VDAC1: variants seen among roughly 807,000 people sequenced by gnomAD.
VDAC1 encodes voltage dependent anion channel 1.
In VDAC1, 10 loss-of-function variants were observed where a neutral mutation model predicts 34.7. The ratio of observed to expected loss-of-function variants is 0.29; its 90% CI spans 0.18 to 0.49. The LOEUF (loss-of-function observed/expected upper bound fraction) is 0.49. Ranked by LOEUF, VDAC1 falls within the 20% of genes least tolerant of loss-of-function variation. The pLI is 0.99. For synonymous variants in VDAC1, 130 were observed against 136.0 expected (o/e 0.96, Z 0.30); for missense variants, 230 against 347.9 (o/e 0.66, Z 2.69).
the VDAC1 span, among the ~76,000 whole-genome samples, chr5:134,043,494 A>G: frequency 6.6e-6 from 1 of 152,116 alleles, no homozygotes; most frequent in Non-Finnish European, 1.5e-5. Context: ...CTCTCTGGTT[A>G]TTCTGCCCTA....
At chr5:134,002,271 C>T (rs1406898279) in intron 1 of VDAC1, among the ~76,000 whole-genome samples, 1 of 152,198 alleles carries the variant, frequency 6.6e-6, no homozygotes, top group Non-Finnish European at 1.5e-5. Flanking sequence ...CCTGTATGGT[C>T]CCCCACTTTC....
At chr5:134,036,657 T>A in the VDAC1 span, among the ~76,000 whole-genome samples, 10 of 139,274 alleles carry the variant, frequency 7.2e-5, no homozygotes, top group African/African-American at 2.6e-4. Flanking sequence ...CACTGTCTTT[T>A]TTAAAAAAAA....
chr5:134,095,042 A>G, the VDAC1 span, among the ~76,000 whole-genome samples: 1,801 of 151,156 alleles, frequency 0.012, 13 homozygotes, highest in Non-Finnish European at 0.019. Context: ...TCCCAAGGGG[A>G]ACTCCACAAA....
chr5:134,076,411 A>G, the VDAC1 span, among the ~76,000 whole-genome samples: 1 of 152,116 alleles, frequency 6.6e-6, no homozygotes, highest in African/African-American at 2.4e-5. Flanking sequence ...CACCTCAGAC[A>G]TTTCCTTTGT....
At chr5:133,980,624 TG>T in intron 6 of VDAC1, 104 bp downstream of exon 6, 1 of 976,932 alleles carries the variant, frequency 1.0e-6, no homozygotes, top group Non-Finnish European at 1.5e-6. Context: ...GGTTAAAAAC[TG>T]GGCTTTCTTA....
the VDAC1 span, among the ~76,000 whole-genome samples, chr5:134,075,631 T>G: frequency 6.6e-6 from 1 of 152,236 alleles, no homozygotes; most frequent in African/African-American, 2.4e-5. Context: ...TTGCCCAGGC[T>G]CGAGTGCAGT....
chr5:134,097,201 C>T, the VDAC1 span, among the ~76,000 whole-genome samples: 3 of 152,314 alleles, frequency 2.0e-5, no homozygotes, highest in African/African-American at 7.2e-5. Context: ...TGGAAGGAAA[C>T]CCAGGTTGGA....
intron 5 of VDAC1, among the ~76,000 whole-genome samples, chr5:133,982,627 C>T (rs1038503628): frequency 3.3e-5 from 5 of 152,262 alleles, no homozygotes; most frequent in East Asian, 1.9e-4. Context: ...CGGTGGCTTA[C>T]GCCTATAATC....
At chr5:134,092,345 C>T in the VDAC1 span, among the ~76,000 whole-genome samples, 1 of 152,184 alleles carries the variant, frequency 6.6e-6, no homozygotes, top group African/African-American at 2.4e-5. Flanking sequence ...AAATTATCAG[C>T]AAAACTGCCA....
intron 1 of VDAC1, among the ~76,000 whole-genome samples, chr5:133,997,558 A>T (rs13168241): frequency 0.23 from 34,829 of 151,188 alleles, 4,689 homozygotes; most frequent in Admixed American, 0.29. Context: ...AAAATAAAAA[A>T]AAAAAATCAC....
the VDAC1 span, among the ~76,000 whole-genome samples, chr5:134,074,373 C>G: frequency 6.6e-6 from 1 of 151,698 alleles, no homozygotes; most frequent in Non-Finnish European, 1.5e-5. Flanking sequence ...GAAATGACAT[C>G]TACTTTGAAA....
At chr5:134,112,700 A>T in the VDAC1 span, among the ~76,000 whole-genome samples, 1 of 152,244 alleles carries the variant, frequency 6.6e-6, no homozygotes. Flanking sequence ...TTTAGTAAAG[A>T]AAGGATGTTT....
At chr5:134,097,119 C>A in the VDAC1 span, among the ~76,000 whole-genome samples, 1 of 152,262 alleles carries the variant, frequency 6.6e-6, no homozygotes, top group South Asian at 2.1e-4. Flanking sequence ...CTTCACATCA[C>A]TGCAATTAAT....
At chr5:134,107,670 T>C in the VDAC1 span, among the ~76,000 whole-genome samples, 1 of 152,226 alleles carries the variant, frequency 6.6e-6, no homozygotes, top group Non-Finnish European at 1.5e-5. Flanking sequence ...AGGCAACAGA[T>C]GCTACGCACC....
At chr5:134,099,974 C>T in the VDAC1 span, among the ~76,000 whole-genome samples, 6 of 152,234 alleles carry the variant, frequency 3.9e-5, no homozygotes, top group Admixed American at 6.5e-5. Context: ...CCCCAGGCCT[C>T]GCTGGTACAG....
chr5:134,101,172 C>A, the VDAC1 span, among the ~76,000 whole-genome samples: 1 of 152,262 alleles, frequency 6.6e-6, no homozygotes, highest in Admixed American at 6.5e-5. Flanking sequence ...GATTTTCTGC[C>A]ACCCTCAAGG....
the VDAC1 span, among the ~76,000 whole-genome samples, chr5:134,035,877 G>A: frequency 6.6e-6 from 1 of 151,942 alleles, no homozygotes; most frequent in African/African-American, 2.4e-5. Flanking sequence ...GCAGTGGCAG[G>A]TGCCTGAAAT....
At chr5:134,097,996 A>C in the VDAC1 span, among the ~76,000 whole-genome samples, 4 of 151,738 alleles carry the variant, frequency 2.6e-5, no homozygotes, top group Non-Finnish European at 5.9e-5. Context: ...CAACTTCCCG[A>C]GTAGCTGGGA....
the VDAC1 span, among the ~76,000 whole-genome samples, chr5:134,078,332 C>T: frequency 3.9e-5 from 6 of 152,162 alleles, no homozygotes; most frequent in Admixed American, 1.3e-4. Flanking sequence ...AGGGGGGAGG[C>T]GAGGGATTCG....
Sources: allele counts gnomAD v4.1 joint callset (sites outside exome capture counted in the v4.1 genomes callset), GRCh38; gene constraint gnomAD v4.1.1; transcripts MANE v1.5; gene names NCBI Gene and HGNC (gene_info 2026-07-23, HGNC 2026-07-21).